PRRC1: variants seen among roughly 807,000 people sequenced by gnomAD.
The protein encoded by PRRC1 is protein PRRC1.
PRRC1 carries 39 observed loss-of-function variants against 40.7 expected under a neutral mutation model. The observed-to-expected ratio is 0.96, with a 90% CI of 0.74 to 1.25. PRRC1 has a LOEUF of 1.25. Among genes scored for constraint, PRRC1 ranks in the 50% most tolerant of loss-of-function variants. The pLI is 0.00. For missense variants in PRRC1, 573 were observed against 548.3 expected (o/e 1.05, Z -0.45); for synonymous variants, 175 against 193.3 (o/e 0.91, Z 0.79).
intron 2 of PRRC1, among the ~76,000 whole-genome samples, chr5:127,524,280 C>T (rs1767540873): frequency 6.6e-6 from 1 of 151,760 alleles, no homozygotes; most frequent in South Asian, 2.1e-4. Context: ...AAAAATACAC[C>T]AAAACAAACC....
At chr5:127,523,082 G>C (rs77549121) in intron 1 of PRRC1, among the ~76,000 whole-genome samples, 2,126 of 152,262 alleles carry the variant, frequency 0.014, 27 homozygotes, top group East Asian at 0.039. Flanking sequence ...AGAGTGCTGG[G>C]ATTATAGGCA....
intron 8 of PRRC1, chr5:127,550,741 A>G (rs1561689978): frequency 6.6e-6 from 1 of 152,218 alleles, no homozygotes; most frequent in Non-Finnish European, 1.5e-5. Flanking sequence ...CGTTAGTAGT[A>G]TATCTGCTGT....
intron 7 of PRRC1, among the ~76,000 whole-genome samples, chr5:127,541,511 T>G (rs910160012): frequency 1.6e-4 from 25 of 152,122 alleles, no homozygotes; most frequent in African/African-American, 6.0e-4. Flanking sequence ...TCCTGTACTC[T>G]TTTTGGTTGG....
chr5:127,525,331 T>C (rs1767591323), intron 3 of PRRC1, among the ~76,000 whole-genome samples: 1 of 152,352 alleles, frequency 6.6e-6, no homozygotes, highest in Non-Finnish European at 1.5e-5. Context: ...GGTTCATCCA[T>C]GTTGTAGCAT....
chr5:127,552,704 C>A lies in PRRC1; in HGVS notation c.*788C>A, dbSNP rs1410570417. ...TATTTTTGTATAATACTGTTCAGTACTTCCAAGAATAAGCTCTGACAACAG... is the reference window on the plus strand; with the variant it reads ...TATTTTTGTATAATACTGTTCAGTAATTCCAAGAATAAGCTCTGACAACAG... On this transcript the variant is annotated 3_prime_UTR_variant, in exon 9 of 9. Transcript: ENST00000296666. The A allele has an allele frequency of 2.0e-6, 2 of 982,198 alleles. No homozygotes were observed. Among genetic ancestry groups the A allele is most frequent in the Admixed American group, 1.2e-4 (2 of 16,258 alleles). The allele number at this position is 982,198 out of a possible 1,614,324, so 60.8% of individuals were successfully genotyped here. A position where few individuals can be genotyped will look rare whatever the true frequency, so the allele number is the denominator to read the frequency against.
intron 5 of PRRC1, among the ~76,000 whole-genome samples, chr5:127,532,058 A>G (rs531474829): frequency 3.3e-4 from 50 of 152,236 alleles, no homozygotes; most frequent in African/African-American, 1.2e-3. Context: ...ACAGCAAAGC[A>G]TCACCATTCT....
intron 7 of PRRC1, among the ~76,000 whole-genome samples, chr5:127,544,546 C>T (rs1015165825): frequency 6.6e-6 from 1 of 152,264 alleles, no homozygotes; most frequent in Non-Finnish European, 1.5e-5. Context: ...GTTCGAGCTT[C>T]CCGGCTGTTT....
chr5:127,520,935 C>G (rs898194316), intron 1 of PRRC1, among the ~76,000 whole-genome samples: 6 of 152,148 alleles, frequency 3.9e-5, no homozygotes, highest in Non-Finnish European at 7.3e-5. Context: ...TACTCAAGAA[C>G]TCTGCTGTTT....
At chr5:127,524,353 AAAGTCATT>A (rs1767544581) in intron 2 of PRRC1, among the ~76,000 whole-genome samples, 170 bp from the exon 3 acceptor site, 1 of 152,232 alleles carries the variant, frequency 6.6e-6, no homozygotes. Flanking sequence ...ATGGGAGTTG[AAAGTCATT>A]TACACTCAAT....
At chr5:127,526,886 T>C (rs1767632121) in intron 4 of PRRC1, 108 bp downstream of exon 4, 3 of 1,003,252 alleles carry the variant, frequency 3.0e-6, no homozygotes, top group East Asian at 5.5e-5. Flanking sequence ...AATAAAATTC[T>C]TTTTTATTAG....
At chr5:127,537,471 T>C (rs959954134) in intron 6 of PRRC1, among the ~76,000 whole-genome samples, 5 of 151,968 alleles carry the variant, frequency 3.3e-5, no homozygotes, top group Non-Finnish European at 7.4e-5. Context: ...CATTTTCTTA[T>C]GGATTTTATA....
intron 7 of PRRC1, among the ~76,000 whole-genome samples, chr5:127,542,875 T>G (rs986651297): frequency 2.0e-4 from 30 of 152,298 alleles, no homozygotes; most frequent in African/African-American, 7.0e-4. Flanking sequence ...TCCACTTACA[T>G]TTAAAGTTAA....
chr5:127,538,477 A>G (rs1032028768), intron 6 of PRRC1, among the ~76,000 whole-genome samples: 5 of 152,060 alleles, frequency 3.3e-5, no homozygotes, highest in African/African-American at 1.2e-4. Context: ...TAATCAGTTC[A>G]TGTCTTCAAT....
intron 8 of PRRC1, chr5:127,550,850 A>G (rs923227030): frequency 1.3e-5 from 2 of 152,216 alleles, no homozygotes; most frequent in Non-Finnish European, 2.9e-5. Flanking sequence ...TTTGCATCAG[A>G]TTGACTTGGA....
At position 127,552,903 on chromosome 5, in the gene PRRC1, A is replaced by C; in HGVS notation, c.*987A>C. 1 of 947,686 alleles carries C rather than the reference A, an allele frequency of 1.1e-6. No individual in the cohort carries two copies. The highest frequency in any genetic ancestry group is 1.3e-6 in the Non-Finnish European group (1 of 795,796). The allele number at this position is 947,686 out of a possible 1,614,324, so 58.7% of individuals were successfully genotyped here. Reference sequence around the variant, plus strand: ...TTGTGCCATTTGGTCTTTACTTTTTATGGATGTTTTCAAAGAAACTATTTT... The same window carrying C: ...TTGTGCCATTTGGTCTTTACTTTTTCTGGATGTTTTCAAAGAAACTATTTT... On this transcript the variant is annotated 3_prime_UTR_variant, in exon 9 of 9. Transcript: ENST00000296666.
In PRRC1 at chr5:127,553,842, C is replaced by T. The variant is rs1195867891; in HGVS notation, c.*1926C>T. 6.5e-7 allele frequency: 1 copy of T among 1,535,804 alleles called. No homozygotes were observed. The highest frequency in any genetic ancestry group is 8.7e-7 in the Non-Finnish European group (1 of 1,146,698). ...CCCAAAGAGCAGTGGCAGTCCATGGCTTGGTTGAAGCTAGAAATTTTCCTG... is the reference window on the plus strand; with the variant it reads ...CCCAAAGAGCAGTGGCAGTCCATGGTTTGGTTGAAGCTAGAAATTTTCCTG... On this transcript the variant is annotated 3_prime_UTR_variant, in exon 9 of 9. Transcript: ENST00000296666.
chr5:127,526,950 TC>T (rs1160636375), intron 4 of PRRC1, among the ~76,000 whole-genome samples, 172 bp downstream of exon 4: 1 of 152,260 alleles, frequency 6.6e-6, no homozygotes, highest in African/African-American at 2.4e-5. Flanking sequence ...GTGTAAACGT[TC>T]CTTTGAATTA....
Position 127,526,786 on chromosome 5 carries a change from G to GC in PRRC1, c.654+8_654+9insC. 6.5e-7 allele frequency: 1 copy of GC among 1,549,034 alleles called. No individual in the cohort carries two copies. Among genetic ancestry groups the GC allele is most frequent in the South Asian group, 1.3e-5 (1 of 77,724 alleles). ...ATCTGGGGTTTTATTAAGGTAAGAC[G>GC]TGTTTAAAAATTATGTTTAATTTTC... On this transcript the variant is annotated intron_variant, in intron 4 of 8. Transcript: ENST00000296666.
At chr5:127,546,873 TAAAA>T (rs1384953566) in intron 7 of PRRC1, among the ~76,000 whole-genome samples, 1 of 152,192 alleles carries the variant, frequency 6.6e-6, no homozygotes, top group Non-Finnish European at 1.5e-5. Context: ...GTCTACCAAA[TAAAA>T]TAAATGTCAT....
Sources: gnomAD v4.1 joint callset for allele counts (sites outside exome capture counted in the v4.1 genomes callset) on GRCh38, gnomAD v4.1.1 for gene constraint, MANE v1.5 for transcripts, NCBI Gene and HGNC (gene_info 2026-07-23, HGNC 2026-07-21) for gene names.